The following PCDHGA5 variants were observed in gnomAD, a reference collection of about 807,000 sequenced individuals.
PCDHGA5 encodes the protein protocadherin gamma subfamily A, 5, also known as protocadherin gamma-A5.
PCDHGA5 carries 36 observed loss-of-function variants against 56.7 expected under a neutral mutation model. The observed-to-expected ratio is 0.64, with a 90% CI of 0.49 to 0.84. PCDHGA5 has a LOEUF of 0.84. PCDHGA5 is among the 40% of genes least tolerant of loss of function. The pLI is 0.00. For synonymous variants in PCDHGA5, 563 were observed against 520.2 expected, an observed-to-expected ratio of 1.08 and a Z score of -1.12; for missense variants, 1,305 against 1,201.5, an observed-to-expected ratio of 1.09 and a Z score of -1.27.
Position 141,395,117 on chromosome 5 carries a change from G to C in PCDHGA5, c.2421+28366G>C. 4 of 1,614,192 alleles carry C rather than the reference G, an allele frequency of 2.5e-6. No homozygotes were observed. The South Asian group carries it at 4.4e-5, about 18-fold the overall frequency. ...CCGCCGACTCGCGGAAGAGTCACCT[G>C]ATCTTTCCCCAGCCCAACTACGCAG... On this transcript the variant is annotated intron_variant, in intron 1 of 3. Coordinates refer to ENST00000518069, the MANE Select transcript of PCDHGA5 (RefSeq NM_018918.3).
intron 1 of PCDHGA5, among the ~76,000 whole-genome samples, chr5:141,454,458 G>A (rs535843071): frequency 5.3e-5 from 8 of 152,322 alleles, no homozygotes; most frequent in Non-Finnish European, 1.5e-5. Flanking sequence ...CCAGGCTGGA[G>A]TGCAATGGCA....
At chr5:141,399,053 A>G (rs2093744168) in intron 1 of PCDHGA5, 2 of 1,613,630 alleles carry the variant, frequency 1.2e-6, no homozygotes, top group East Asian at 2.2e-5. Context: ...GAAGAGACCA[A>G]GGAATATTCA....
At chr5:141,370,847 A>G (rs372882282) in intron 1 of PCDHGA5, 2 of 1,614,046 alleles carry the variant, frequency 1.2e-6, no homozygotes, top group Non-Finnish European at 1.7e-6. Flanking sequence ...CTGGAGCCAC[A>G]TTTGCCCTGG....
At chr5:141,380,987 C>G (rs1776914459) in intron 1 of PCDHGA5, among the ~76,000 whole-genome samples, 1 of 152,202 alleles carries the variant, frequency 6.6e-6, no homozygotes. Context: ...GAATTTAACT[C>G]CAGTTTACAG....
chr5:141,394,321 C>G (rs11575959), intron 1 of PCDHGA5: 43,282 of 1,613,954 alleles, frequency 0.027, 850 homozygotes, highest in African/African-American at 0.092. Flanking sequence ...CCCCTGTCCT[C>G]GTATATCTCC....
chr5:141,451,095 T>G (rs1158753327), intron 1 of PCDHGA5, among the ~76,000 whole-genome samples: 2 of 152,180 alleles, frequency 1.3e-5, no homozygotes, highest in African/African-American at 4.8e-5. Context: ...CCCAAAGTGT[T>G]GGGATTACAG....
intron 1 of PCDHGA5, among the ~76,000 whole-genome samples, chr5:141,401,626 C>T (rs1476531463): frequency 6.6e-6 from 1 of 152,174 alleles, no homozygotes; most frequent in Non-Finnish European, 1.5e-5. Flanking sequence ...TTTGTCTTAT[C>T]GTTTGGAGCT....
rs779250544 is a variant in PCDHGA5, at chr5:141,432,639, G to A, written c.2422-62168G>A. The A allele has an allele frequency of 1.2e-6, 2 of 1,613,816 alleles. No homozygotes were observed. Among genetic ancestry groups the A allele is most frequent in the Non-Finnish European group, 1.7e-6 (2 of 1,179,934 alleles). On this transcript the variant is annotated intron_variant, in intron 1 of 3. Coordinates refer to ENST00000518069, the MANE Select transcript of PCDHGA5 (RefSeq NM_018918.3). This position sits in a 1 kb window ranked among gnomAD's most constrained non-coding sequence, Gnocchi z 6.0. Reference sequence around the variant, plus strand: ...GTGGGTCTGCACACGGGCGAGGTGCGCACGGCGCGAGCCCTGCTGGACAGA... The same window carrying A: ...GTGGGTCTGCACACGGGCGAGGTGCACACGGCGCGAGCCCTGCTGGACAGA...
chr5:141,383,170 G>A (rs1453801684), intron 1 of PCDHGA5: 2 of 1,614,008 alleles, frequency 1.2e-6, no homozygotes, highest in African/African-American at 2.7e-5. Flanking sequence ...GGGCAGGATA[G>A]ACCGGGAAGA....
intron 1 of PCDHGA5, chr5:141,389,372 G>A: frequency 6.2e-7 from 1 of 1,613,806 alleles, no homozygotes; most frequent in South Asian, 1.1e-5. Flanking sequence ...ACCTGGAGCA[G>A]CGGGAGCTGT....
Position 141,431,352 on chromosome 5 carries a change from G to C in PCDHGA5, c.2422-63455G>C. Reference sequence around the variant, plus strand: ...AAGTACCCCGAATTGGTGCTGAAACGCGCCCTGGACCGCGAAGAAAAGGCT... The same window carrying C: ...AAGTACCCCGAATTGGTGCTGAAACCCGCCCTGGACCGCGAAGAAAAGGCT... On this transcript the variant is annotated intron_variant, in intron 1 of 3. Coordinates refer to ENST00000518069, the MANE Select transcript of PCDHGA5 (RefSeq NM_018918.3). This position sits in a 1 kb window ranked among gnomAD's most constrained non-coding sequence, Gnocchi z 4.8. The C allele has an allele frequency of 6.2e-7, 1 of 1,614,044 alleles. No individual in the cohort carries two copies. The highest frequency in any genetic ancestry group is 8.5e-7 in the Non-Finnish European group (1 of 1,180,032).
chr5:141,423,647 C>T (rs775169904), intron 1 of PCDHGA5: 3 of 1,589,144 alleles, frequency 1.9e-6, no homozygotes, highest in Non-Finnish European at 2.6e-6. Flanking sequence ...AAATGTGACC[C>T]GACAAGTAAT....
At chr5:141,410,765 T>C (rs1238144239) in intron 1 of PCDHGA5, 1 of 1,066,570 alleles carries the variant, frequency 9.4e-7, no homozygotes, top group Non-Finnish European at 1.3e-6. Flanking sequence ...TTTTCAATTA[T>C]AGTTTTCACT....
intron 1 of PCDHGA5, chr5:141,413,714 A>T: frequency 6.2e-7 from 1 of 1,613,586 alleles, no homozygotes; most frequent in Non-Finnish European, 8.5e-7. Flanking sequence ...AGCCCCAATA[A>T]GCACTTCTCC....
At chr5:141,481,282 T>C (rs2099534931) in intron 1 of PCDHGA5, among the ~76,000 whole-genome samples, 1 of 152,148 alleles carries the variant, frequency 6.6e-6, no homozygotes, top group African/African-American at 2.4e-5. Flanking sequence ...CATAAAATGG[T>C]ATTTCAGTCA....
At chr5:141,404,465 G>C in intron 1 of PCDHGA5, 1 of 1,613,516 alleles carries the variant, frequency 6.2e-7, no homozygotes, top group Non-Finnish European at 8.5e-7. Flanking sequence ...CTCCACCTAT[G>C]TCTCTATTAA....
chr5:141,426,717 G>A (rs974405285), intron 1 of PCDHGA5: 1 of 446,052 alleles, frequency 2.2e-6, no homozygotes, highest in African/African-American at 2.0e-5. Flanking sequence ...CAATGAACTA[G>A]CAATTCCAGG....
At chr5:141,375,529 C>A (rs370346410) in intron 1 of PCDHGA5, 3 of 1,614,026 alleles carry the variant, frequency 1.9e-6, no homozygotes, top group African/African-American at 1.3e-5. Flanking sequence ...CTGACGTGGA[C>A]CAGAACGCCC....
At chr5:141,383,712 G>A (rs895145051) in intron 1 of PCDHGA5, 2 of 1,613,970 alleles carry the variant, frequency 1.2e-6, no homozygotes, top group African/African-American at 2.7e-5. Flanking sequence ...ACCTGGACGA[G>A]GGAGTCAATG....
Sources: allele counts gnomAD v4.1 joint callset (sites outside exome capture counted in the v4.1 genomes callset), GRCh38; gene constraint gnomAD v4.1.1; non-coding constraint Gnocchi (gnomAD v3.1); transcripts MANE v1.5; gene names NCBI Gene and HGNC (gene_info 2026-07-23, HGNC 2026-07-21).